The following GRID2 variants were observed in gnomAD, a reference collection of about 807,000 sequenced individuals.
GRID2 encodes glutamate receptor ionotropic, delta-2.
A neutral mutation model predicts 114.8 loss-of-function variants in GRID2; 33 were observed. The ratio of observed to expected loss-of-function variants is 0.29; its 90% CI spans 0.22 to 0.38. The LOEUF (loss-of-function observed/expected upper bound fraction) is 0.38, where lower values mean the gene tolerates loss of function less well. Ranked by LOEUF, GRID2 falls within the 10% of genes least tolerant of loss-of-function variation. GRID2 has a pLI of 1.00. For missense variants in GRID2, 1,184 were observed against 1,257.7 expected, an observed-to-expected ratio of 0.94 and a Z score of 0.89; for synonymous variants, 505 against 449.9, an observed-to-expected ratio of 1.12 and a Z score of -1.55.
intron 4 of GRID2, among the ~76,000 whole-genome samples, chr4:93,145,989 GGT>G (rs1560926098): frequency 1.3e-5 from 2 of 151,448 alleles, no homozygotes; most frequent in African/African-American, 4.9e-5. Context: ...AATAGACAAA[GGT>G]ATATATATAC....
intron 8 of GRID2, among the ~76,000 whole-genome samples, chr4:93,277,032 A>C (rs1037871879): frequency 3.3e-5 from 5 of 151,884 alleles, no homozygotes; most frequent in African/African-American, 1.2e-4. Context: ...TAAGCTTATT[A>C]TCTAGTGGAA....
intron 13 of GRID2, among the ~76,000 whole-genome samples, chr4:93,603,172 T>G (rs1456387302): frequency 6.6e-6 from 1 of 151,840 alleles, no homozygotes; most frequent in Non-Finnish European, 1.5e-5. Flanking sequence ...ATTGTGCCAT[T>G]GCACTCCAGC....
At chr4:92,740,690 T>TAGATGATAGATA (rs1553922534) in intron 2 of GRID2, among the ~76,000 whole-genome samples, 2 of 121,224 alleles carry the variant, frequency 1.6e-5, no homozygotes, top group Admixed American at 8.7e-5. Context: ...GATAGATAGA[T>TAGATGATAGATA]GATAGATAGA....
At chr4:92,438,508 C>T (rs1395205907) in intron 1 of GRID2, among the ~76,000 whole-genome samples, 2 of 151,556 alleles carry the variant, frequency 1.3e-5, no homozygotes, top group African/African-American at 4.8e-5. Flanking sequence ...CATCTAAAGT[C>T]AATATTGGCA....
chr4:92,376,771 A>T (rs1373902496), intron 1 of GRID2, among the ~76,000 whole-genome samples: 1 of 152,136 alleles, frequency 6.6e-6, no homozygotes, highest in Non-Finnish European at 1.5e-5. Context: ...ACTCAACACC[A>T]CATGGAAGCT....
intron 1 of GRID2, among the ~76,000 whole-genome samples, chr4:92,566,448 A>C (rs771454181): frequency 3.3e-5 from 5 of 152,004 alleles, no homozygotes; most frequent in Non-Finnish European, 7.4e-5. Flanking sequence ...TTCGGACAAT[A>C]GGATGCATGT....
intron 8 of GRID2, among the ~76,000 whole-genome samples, chr4:93,378,474 G>T (rs530131162): frequency 2.8e-4 from 42 of 152,050 alleles, no homozygotes; most frequent in African/African-American, 1.0e-3. Context: ...CTTCTCCCAG[G>T]TTCATTTACT....
chr4:92,989,223 G>A (rs1363772791), intron 2 of GRID2, among the ~76,000 whole-genome samples: 1 of 134,338 alleles, frequency 7.4e-6, no homozygotes, highest in African/African-American at 2.8e-5. Context: ...GTTGCAGTGA[G>A]CCAAGACCAT....
chr4:92,318,412 G>T (rs1285460377), intron 1 of GRID2, among the ~76,000 whole-genome samples: 1 of 134,310 alleles, frequency 7.4e-6, no homozygotes, highest in African/African-American at 2.8e-5. Flanking sequence ...GGAATAAGTT[G>T]TTTTCTTTTA....
chr4:92,639,623 A>C (rs967433214), intron 2 of GRID2, among the ~76,000 whole-genome samples: 1 of 151,706 alleles, frequency 6.6e-6, no homozygotes, highest in Non-Finnish European at 1.5e-5. Flanking sequence ...CAACTATCAC[A>C]TTAAGATGTT....
chr4:93,809,149 C>T (rs982006404), exon 2 of GRID2: 8 of 152,164 alleles, frequency 5.3e-5, no homozygotes, highest in African/African-American at 1.9e-4. Context: ...AACACACAAA[C>T]ATCCACACAA....
At chr4:93,667,354 G>T (rs1421916493) in intron 14 of GRID2, among the ~76,000 whole-genome samples, 1 of 151,598 alleles carries the variant, frequency 6.6e-6, no homozygotes, top group African/African-American at 2.4e-5. Flanking sequence ...AGTACATCCA[G>T]GTATCCAATA....
At chr4:92,896,931 G>A (rs1184778896) in intron 2 of GRID2, among the ~76,000 whole-genome samples, 3 of 151,974 alleles carry the variant, frequency 2.0e-5, no homozygotes, top group African/African-American at 7.2e-5. Context: ...TAGTAGAGAC[G>A]GGGTTTCATC....
chr4:93,071,298 A>G (rs1728783044), intron 2 of GRID2, among the ~76,000 whole-genome samples: 2 of 152,096 alleles, frequency 1.3e-5, no homozygotes, highest in African/African-American at 2.4e-5. Flanking sequence ...TGATTAGACC[A>G]CACCTTTCCT....
chr4:93,348,370 C>A (rs541302177), intron 8 of GRID2, among the ~76,000 whole-genome samples: 45 of 152,184 alleles, frequency 3.0e-4, no homozygotes, highest in African/African-American at 1.0e-3. Context: ...GAAAGTGAAA[C>A]ATCAGTTTAT....
intron 2 of GRID2, among the ~76,000 whole-genome samples, chr4:92,868,436 A>G (rs1334547856): frequency 2.0e-5 from 3 of 152,160 alleles, no homozygotes; most frequent in Admixed American, 2.0e-4. Flanking sequence ...GCTCCCATAC[A>G]TACGAATTTA....
chr4:92,498,825 C>T (rs1265017347), intron 1 of GRID2, among the ~76,000 whole-genome samples: 1 of 150,678 alleles, frequency 6.6e-6, no homozygotes, highest in Non-Finnish European at 1.5e-5. Context: ...ATTTACCATG[C>T]ATACATAATC....
chr4:93,400,260 A>T (rs374024434), intron 9 of GRID2, among the ~76,000 whole-genome samples: 2 of 152,152 alleles, frequency 1.3e-5, no homozygotes, highest in East Asian at 1.9e-4. Context: ...AAATTTCTTC[A>T]TATATAGATT....
intron 8 of GRID2, among the ~76,000 whole-genome samples, chr4:93,312,173 C>T (rs538765176): frequency 1.3e-5 from 2 of 152,212 alleles, no homozygotes; most frequent in East Asian, 1.9e-4. Flanking sequence ...CAGGCACAGA[C>T]CATGGCCCTA....
Sources: allele counts gnomAD v4.1 joint callset (sites outside exome capture counted in the v4.1 genomes callset), GRCh38; gene constraint gnomAD v4.1.1; transcripts MANE v1.5; gene names NCBI Gene and HGNC (gene_info 2026-07-23, HGNC 2026-07-21).